Variants in ZFYVE9 observed in about 807,000 individuals in gnomAD.
ZFYVE9 encodes zinc finger FYVE-type containing 9, also known as zinc finger FYVE domain-containing protein 9.
ZFYVE9 carries 43 observed loss-of-function variants against 126.7 expected under a neutral mutation model. The ratio of observed to expected loss-of-function variants is 0.34; its 90% CI spans 0.27 to 0.44. The LOEUF is 0.44. Ranked by LOEUF, ZFYVE9 falls within the 20% of genes least tolerant of loss-of-function variation. The pLI is 1.00. For synonymous variants in ZFYVE9, 521 were observed against 597.4 expected (o/e 0.87, Z 1.87); for missense variants, 1,476 against 1,697.0 (o/e 0.87, Z 2.29).
intron 10 of ZFYVE9, among the ~76,000 whole-genome samples, chr1:52,286,321 G>A (rs1272009386): frequency 3.3e-5 from 5 of 152,102 alleles, no homozygotes; most frequent in Admixed American, 2.0e-4. Flanking sequence ...AGCCTTAGGA[G>A]CTATTGAATG....
At chr1:52,169,835 C>T (rs1010558609) in intron 1 of ZFYVE9, among the ~76,000 whole-genome samples, 9 of 152,160 alleles carry the variant, frequency 5.9e-5, no homozygotes, top group African/African-American at 2.2e-4. Context: ...TATTTGTACC[C>T]TAACTCCTTG....
In ZFYVE9 at chr1:52,284,576, C is replaced by T. The variant is rs576684056; in HGVS notation, c.3025+2760C>T. ...CTGGGACTACAGGCGCCCGCCACCA[C>T]GCCTGGCTAATTTTTTGTATTTTTA... is the stretch of plus-strand genomic sequence containing the variant. On this transcript the variant is annotated intron_variant, in intron 10 of 18. Transcript: ENST00000287727. Among the ~76,000 whole-genome samples the T allele has an allele frequency of 4.3e-3, 656 of 152,150 alleles. 1 individual carries two copies. Among genetic ancestry groups the T allele is most frequent in the Non-Finnish European group, 6.3e-3 (428 of 67,998 alleles).
intron 17 of ZFYVE9, among the ~76,000 whole-genome samples, chr1:52,341,944 G>A (rs1363735463): frequency 6.6e-6 from 1 of 152,204 alleles, no homozygotes; most frequent in African/African-American, 2.4e-5. Flanking sequence ...TTTGACCTCT[G>A]TTCCCTCCTT....
rs573419257 is a variant in ZFYVE9 at position 52,185,095 on chromosome 1, C to A, written c.-142-31274C>A. The stretch of plus-strand genomic sequence containing the variant: ...GGAGTGGAACCTTTGGGTCTGCCTC[C>A]GCATTGCAGTACTATCTCCCCACTT... On this transcript the variant is annotated intron_variant, in intron 1 of 18. Transcript: ENST00000287727. 4.6e-5 allele frequency among the ~76,000 whole-genome samples: 7 copies of A among 152,146 alleles called. No individual in the cohort carries two copies. The East Asian group carries it at 1.3e-3, about 29-fold the overall frequency.
At chr1:52,280,766 A>G (rs1181472639) in intron 9 of ZFYVE9, among the ~76,000 whole-genome samples, 3 of 152,218 alleles carry the variant, frequency 2.0e-5, no homozygotes, top group African/African-American at 7.2e-5. Context: ...CTGATTATCT[A>G]GAATTTTTTC....
chr1:52,288,674 A>G (rs1287233506), intron 10 of ZFYVE9, among the ~76,000 whole-genome samples: 1 of 152,142 alleles, frequency 6.6e-6, no homozygotes, highest in Admixed American at 6.5e-5. Context: ...TAATCCCAAC[A>G]CTTTGGGAAG....
chr1:52,333,015 G>A (rs1646356629), intron 14 of ZFYVE9, 97 bp downstream of exon 14: 1 of 1,460,682 alleles, frequency 6.8e-7, no homozygotes, highest in African/African-American at 1.4e-5. Flanking sequence ...TTTCTAGATA[G>A]GTGACCACAA....
chr1:52,339,719 T>C (rs1646418147), intron 16 of ZFYVE9, among the ~76,000 whole-genome samples: 1 of 152,204 alleles, frequency 6.6e-6, no homozygotes, highest in Non-Finnish European at 1.5e-5. Context: ...AAGTCAGGTA[T>C]GCAAACATGA....
At chr1:52,345,995 G>A (rs1646480469) in intron 18 of ZFYVE9, 65 bp from the exon 19 acceptor site, 1 of 1,442,812 alleles carries the variant, frequency 6.9e-7, no homozygotes, top group Non-Finnish European at 9.2e-7. Flanking sequence ...CAGCCTCCTT[G>A]CCCTCAGCCC....
chr1:52,252,621 G>A (rs753086649), intron 4 of ZFYVE9: 3 of 270,700 alleles, frequency 1.1e-5, no homozygotes, highest in South Asian at 3.3e-5. Context: ...GCCTCCCAAA[G>A]TGCTGGAATT....
At chr1:52,211,712 C>T (rs1159799745) in intron 1 of ZFYVE9, among the ~76,000 whole-genome samples, 2 of 152,164 alleles carry the variant, frequency 1.3e-5, no homozygotes, top group Non-Finnish European at 1.5e-5. Context: ...GATTACTGGT[C>T]AGATACTGAA....
chr1:52,280,056 T>C (rs1028670158), intron 9 of ZFYVE9, among the ~76,000 whole-genome samples: 12 of 152,032 alleles, frequency 7.9e-5, no homozygotes, highest in African/African-American at 2.9e-4. Flanking sequence ...ATTTGCCATA[T>C]CTAGTTTATA....
In ZFYVE9 at chr1:52,300,079, C is replaced by T. The variant is rs1019921371; in HGVS notation, c.3334-3742C>T. Among the ~76,000 whole-genome samples the T allele has an allele frequency of 5.5e-4, 83 of 152,274 alleles. 1 individual carries two copies. Among genetic ancestry groups the T allele is most frequent in the African/African-American group, 1.6e-3 (66 of 41,554 alleles). ...GCAGTGCGGCAGAGGCAGAGTGCTT[C>T]GCTCCCGTCTCTGTGGTGCTATCTG... On this transcript the variant is annotated intron_variant, in intron 12 of 18. Transcript: ENST00000287727.
At chr1:52,222,067 C>T (rs982272556) in intron 2 of ZFYVE9, among the ~76,000 whole-genome samples, 2 of 152,192 alleles carry the variant, frequency 1.3e-5, no homozygotes, top group Non-Finnish European at 2.9e-5. Flanking sequence ...CTAGGTATTT[C>T]ACCTCAGGTT....
intron 3 of ZFYVE9, among the ~76,000 whole-genome samples, chr1:52,235,513 C>T (rs764992851): frequency 1.3e-5 from 2 of 152,052 alleles, no homozygotes; most frequent in Non-Finnish European, 2.9e-5. Context: ...TCCTGTGTTA[C>T]TAAATTTCAA....
At chr1:52,311,620 A>C (rs1040464218) in intron 13 of ZFYVE9, among the ~76,000 whole-genome samples, 3 of 152,100 alleles carry the variant, frequency 2.0e-5, no homozygotes, top group Non-Finnish European at 4.4e-5. Flanking sequence ...TCTCTTCTGG[A>C]ATATGGGTAT....
chr1:52,233,955 ATT>A (rs1405197854), intron 3 of ZFYVE9, among the ~76,000 whole-genome samples: 1 of 151,990 alleles, frequency 6.6e-6, no homozygotes, highest in East Asian at 1.9e-4. Flanking sequence ...TAATTTTTGT[ATT>A]TTTAGTACAG....
At chr1:52,317,965 GTAACT>G (rs1646201283) in intron 13 of ZFYVE9, among the ~76,000 whole-genome samples, 1 of 151,846 alleles carries the variant, frequency 6.6e-6, no homozygotes, top group Non-Finnish European at 1.5e-5. Context: ...GGTTTCACTG[GTAACT>G]TAACAATGAA....
chr1:52,176,529 A>G (rs1341905204), intron 1 of ZFYVE9, among the ~76,000 whole-genome samples: 1 of 152,196 alleles, frequency 6.6e-6, no homozygotes, highest in African/African-American at 2.4e-5. Context: ...AAGCTGTCAG[A>G]CAGGGACATT....
Sources: gnomAD v4.1 joint callset for allele counts (sites outside exome capture counted in the v4.1 genomes callset) on GRCh38, gnomAD v4.1.1 for gene constraint, MANE v1.5 for transcripts, NCBI Gene and HGNC (gene_info 2026-07-23, HGNC 2026-07-21) for gene names.